The following MIPEP variants were observed in gnomAD, a reference collection of about 807,000 sequenced individuals.
The protein encoded by MIPEP is mitochondrial intermediate peptidase.
Under a neutral mutation model 90.3 loss-of-function variants are expected in MIPEP, and 79 were observed. The observed-to-expected ratio is 0.87, with a 90% CI of 0.73 to 1.05. MIPEP has a LOEUF of 1.05. MIPEP is among the 50% of genes least tolerant of loss of function. The pLI is 0.00. For synonymous variants in MIPEP, 334 were observed against 315.8 expected, an observed-to-expected ratio of 1.06 and a Z score of -0.61; for missense variants, 940 against 905.6, an observed-to-expected ratio of 1.04 and a Z score of -0.49.
intron 10 of MIPEP, among the ~76,000 whole-genome samples, chr13:23,850,863 G>A (rs1869769157): frequency 6.6e-6 from 1 of 152,216 alleles, no homozygotes; most frequent in South Asian, 2.1e-4. Context: ...TCTTGCTTTA[G>A]GAAGAACAGA....
chr13:23,803,808 C>G (rs972243164), intron 16 of MIPEP, among the ~76,000 whole-genome samples: 2 of 152,188 alleles, frequency 1.3e-5, no homozygotes, highest in Non-Finnish European at 2.9e-5. Flanking sequence ...GCAGAAGTTT[C>G]TAAGTAGGAA....
intron 18 of MIPEP, among the ~76,000 whole-genome samples, chr13:23,744,142 G>A (rs756401237): frequency 3.3e-5 from 5 of 152,152 alleles, no homozygotes; most frequent in Admixed American, 1.3e-4. Context: ...TACGCTGTGC[G>A]TTCATGCCTT....
intron 16 of MIPEP, among the ~76,000 whole-genome samples, chr13:23,767,281 T>G (rs537869678): frequency 5.3e-5 from 8 of 152,338 alleles, no homozygotes; most frequent in Non-Finnish European, 1.2e-4. Context: ...TTTAAGCCAC[T>G]ACATTTGTAG....
In MIPEP at chr13:23,826,931, G is replaced by A. The variant is rs7981088; in HGVS notation, c.1653+9309C>T. On this transcript the variant is annotated intron_variant, in intron 14 of 18. Transcript: ENST00000382172. ...TTTGGAAAAAAACTGCATCTGTATC[G>A]AACATGTACAGACTTTTTTCTTGTC... Among the ~76,000 whole-genome samples, 855 of 152,232 alleles carry A rather than the reference G, an allele frequency of 5.6e-3. 8 individuals carry two copies. The highest frequency in any genetic ancestry group is 0.019 in the African/African-American group (800 of 41,538).
intron 5 of MIPEP, among the ~76,000 whole-genome samples, chr13:23,871,098 A>G (rs77821894): frequency 0.15 from 22,829 of 152,144 alleles, 1,943 homozygotes; most frequent in African/African-American, 0.23. Flanking sequence ...GAAGTCTAAG[A>G]AGCAGACTGG....
chr13:23,745,308 A>G (rs1256242255), intron 18 of MIPEP, among the ~76,000 whole-genome samples: 1 of 152,236 alleles, frequency 6.6e-6, no homozygotes, highest in Non-Finnish European at 1.5e-5. Context: ...ATAGTCATAA[A>G]GAAAAAGTTT....
intron 14 of MIPEP, among the ~76,000 whole-genome samples, chr13:23,830,439 C>T (rs887453263): frequency 1.3e-5 from 2 of 152,054 alleles, no homozygotes; most frequent in African/African-American, 2.4e-5. Context: ...GGGAGGCAAG[C>T]GGGGCAGAGA....
intron 14 of MIPEP, among the ~76,000 whole-genome samples, chr13:23,822,985 T>C (rs375641105): frequency 6.6e-6 from 1 of 151,836 alleles, no homozygotes; most frequent in East Asian, 1.9e-4. Context: ...GGGCGCTTCC[T>C]GGAAATACAG....
chr13:23,736,436 C>CA (rs1446953384), intron 18 of MIPEP, among the ~76,000 whole-genome samples: 1 of 152,106 alleles, frequency 6.6e-6, no homozygotes, highest in African/African-American at 2.4e-5. Flanking sequence ...ACCTGAGAGA[C>CA]AAATGGGCTA....
At chr13:23,886,551 T>C (rs374389799) in intron 1 of MIPEP, 45 bp from the exon 2 acceptor site, 16 of 1,449,064 alleles carry the variant, frequency 1.1e-5, no homozygotes, top group African/African-American at 1.0e-4. Context: ...AAATTCAAAA[T>C]TGTGCTTTTT....
At chr13:23,736,360 G>C (rs1215001443) in intron 18 of MIPEP, among the ~76,000 whole-genome samples, 1 of 152,186 alleles carries the variant, frequency 6.6e-6, no homozygotes, top group Non-Finnish European at 1.5e-5. Flanking sequence ...GTCCTACTGA[G>C]AGGGACAGAG....
chr13:23,888,840 G>A (rs1279220259), intron 1 of MIPEP: 9 of 761,466 alleles, frequency 1.2e-5, no homozygotes, highest in Middle Eastern at 9.1e-4. Context: ...CTGGCAGGAC[G>A]AATTCACCGC....
intron 2 of MIPEP, among the ~76,000 whole-genome samples, chr13:23,882,863 T>A (rs1871324424): frequency 6.6e-6 from 1 of 152,178 alleles, no homozygotes. Flanking sequence ...ACAACATTTT[T>A]TTTTTACAAA....
chr13:23,750,251 T>C (rs1236769070), intron 18 of MIPEP, among the ~76,000 whole-genome samples: 1 of 152,162 alleles, frequency 6.6e-6, no homozygotes, highest in Non-Finnish European at 1.5e-5. Flanking sequence ...AGAATATTGT[T>C]AGCTCCAGCT....
chr13:23,848,267 G>A (rs566181840), intron 10 of MIPEP, among the ~76,000 whole-genome samples: 6 of 152,238 alleles, frequency 3.9e-5, no homozygotes, highest in South Asian at 4.1e-4. Context: ...ACAGAGACAC[G>A]GACAGGGACA....
At chr13:23,858,251 G>A (rs558518180) in intron 10 of MIPEP, among the ~76,000 whole-genome samples, 194 of 151,920 alleles carry the variant, frequency 1.3e-3, no homozygotes, top group African/African-American at 4.5e-3. Flanking sequence ...GTGTCTGTAG[G>A]GAGAGAAGGG....
chr13:23,836,791 T>C (rs1869072836), intron 13 of MIPEP, among the ~76,000 whole-genome samples: 1 of 152,256 alleles, frequency 6.6e-6, no homozygotes, highest in Non-Finnish European at 1.5e-5. Context: ...CAAAGTCAAT[T>C]CTCAGTGAGG....
intron 16 of MIPEP, among the ~76,000 whole-genome samples, chr13:23,796,175 T>C (rs1488019850): frequency 6.6e-6 from 1 of 152,028 alleles, no homozygotes; most frequent in African/African-American, 2.4e-5. Context: ...TTCCAGCACT[T>C]TGGGAGGCCG....
At chr13:23,864,798 TTCTA>T (rs774997666) in intron 7 of MIPEP, among the ~76,000 whole-genome samples, 46 of 151,528 alleles carry the variant, frequency 3.0e-4, no homozygotes, top group Non-Finnish European at 5.0e-4. Flanking sequence ...TTCAAGGTGT[TTCTA>T]TCTATTCATA....
Sources: gnomAD v4.1 joint callset for allele counts (sites outside exome capture counted in the v4.1 genomes callset) on GRCh38, gnomAD v4.1.1 for gene constraint, MANE v1.5 for transcripts, NCBI Gene and HGNC (gene_info 2026-07-23, HGNC 2026-07-21) for gene names.